The following FBXL17 variants were observed in gnomAD, a reference collection of about 807,000 sequenced individuals.
FBXL17 encodes the protein F-box and leucine rich repeat protein 17.
FBXL17 carries 22 observed loss-of-function variants against 66.2 expected under a neutral mutation model. The ratio of observed to expected loss-of-function variants is 0.33; its 90% CI spans 0.24 to 0.47. The LOEUF is 0.47. Among genes scored for constraint, FBXL17 ranks in the 20% least tolerant of loss-of-function variants. The pLI, the probability that FBXL17 is intolerant of heterozygous loss-of-function variation, is 1.00. For missense variants in FBXL17, 878 were observed against 948.2 expected, an observed-to-expected ratio of 0.93 and a Z score of 0.97; for synonymous variants, 474 against 400.5, an observed-to-expected ratio of 1.18 and a Z score of -2.19.
chr5:107,973,912 TAA>T (rs373440067), intron 7 of FBXL17, among the ~76,000 whole-genome samples: 73 of 151,916 alleles, frequency 4.8e-4, no homozygotes, highest in African/African-American at 1.7e-3. Context: ...TATTTAGTGA[TAA>T]AGAGTAGCAA....
intron 4 of FBXL17, among the ~76,000 whole-genome samples, chr5:108,251,937 TAC>T (rs1029741470): frequency 1.3e-5 from 2 of 152,208 alleles, no homozygotes; most frequent in African/African-American, 4.8e-5. Context: ...TTATTTAATA[TAC>T]AGTGATTTAT....
chr5:108,327,949 C>T (rs778294698), intron 4 of FBXL17, among the ~76,000 whole-genome samples: 5 of 152,080 alleles, frequency 3.3e-5, no homozygotes, highest in African/African-American at 9.7e-5. Context: ...TAGATTATAT[C>T]GTCTCCAATC....
At chr5:107,994,322 A>T (rs1362861259) in intron 7 of FBXL17, among the ~76,000 whole-genome samples, 2 of 152,074 alleles carry the variant, frequency 1.3e-5, no homozygotes, top group African/African-American at 4.8e-5. Context: ...CATTGATAAC[A>T]TGTTTTCTTG....
At chr5:107,865,993 T>C (rs1748260289) in intron 8 of FBXL17, among the ~76,000 whole-genome samples, 2 of 152,172 alleles carry the variant, frequency 1.3e-5, no homozygotes, top group African/African-American at 4.8e-5. Flanking sequence ...AGATATTTTG[T>C]CATGCACAAC....
chr5:108,069,248 C>T lies in FBXL17; in HGVS notation c.1746-48247G>A, dbSNP rs554585185. On this transcript the variant is annotated intron_variant, in intron 6 of 8. Transcript: ENST00000542267. ...AAACCATAATATCATTTGTTTTCCC[C>T]TCTAAATAAGTGGCACTGTATTGAA... Among the ~76,000 whole-genome samples the T allele has an allele frequency of 4.6e-5, 7 of 152,222 alleles. No homozygotes were observed. The South Asian group carries it at 1.0e-3, about 23-fold the overall frequency.
intron 5 of FBXL17, among the ~76,000 whole-genome samples, chr5:108,208,780 T>C (rs185255343): frequency 1.3e-5 from 2 of 152,254 alleles, no homozygotes; most frequent in Non-Finnish European, 2.9e-5. Flanking sequence ...CACAGGACTG[T>C]CATGGCTATA....
At chr5:107,922,850 A>T (rs1049265983) in intron 7 of FBXL17, among the ~76,000 whole-genome samples, 1 of 152,190 alleles carries the variant, frequency 6.6e-6, no homozygotes, top group Non-Finnish European at 1.5e-5. Context: ...GATGTGGTAT[A>T]AAGAATAAGC....
intron 6 of FBXL17, among the ~76,000 whole-genome samples, chr5:108,108,918 G>C (rs541591816): frequency 6.6e-6 from 1 of 151,944 alleles, no homozygotes; most frequent in East Asian, 1.9e-4. Flanking sequence ...TGAGTAGCTG[G>C]GATTACAGGC....
intron 6 of FBXL17, among the ~76,000 whole-genome samples, chr5:108,021,868 G>A (rs1227665864): frequency 1.3e-5 from 2 of 151,660 alleles, no homozygotes. Flanking sequence ...TTAAGTAAAA[G>A]GGTAAAAGCA....
At chr5:108,348,376 C>A in intron 4 of FBXL17, 23 bp downstream of exon 4, 1 of 1,600,330 alleles carries the variant, frequency 6.2e-7, no homozygotes, top group Non-Finnish European at 8.5e-7. Context: ...ATGAACAATA[C>A]AAGGATGATA....
intron 7 of FBXL17, among the ~76,000 whole-genome samples, chr5:107,977,840 T>A (rs1404271547): frequency 1.3e-5 from 2 of 152,224 alleles, no homozygotes; most frequent in African/African-American, 2.4e-5. Flanking sequence ...CTGGATTCAT[T>A]AAAGGCATGA....
intron 7 of FBXL17, among the ~76,000 whole-genome samples, chr5:107,910,129 G>A (rs188835673): frequency 6.8e-6 from 1 of 147,562 alleles, no homozygotes; most frequent in Non-Finnish European, 1.5e-5. Flanking sequence ...TTTGGGGAGG[G>A]AGGTTATCTG....
chr5:107,978,567 GCCA>G (rs1441602856), intron 7 of FBXL17, among the ~76,000 whole-genome samples: 2 of 151,954 alleles, frequency 1.3e-5, no homozygotes, highest in African/African-American at 4.8e-5. Flanking sequence ...TACATTTCTG[GCCA>G]CTGACTGATT....
At chr5:108,009,226 T>C (rs1361036411) in intron 7 of FBXL17, among the ~76,000 whole-genome samples, 8 of 65,874 alleles carry the variant, frequency 1.2e-4, no homozygotes, top group African/African-American at 4.1e-4. Flanking sequence ...TATATATATA[T>C]ATATATACAG....
intron 5 of FBXL17, among the ~76,000 whole-genome samples, chr5:108,209,361 T>C (rs951705806): frequency 7.2e-5 from 11 of 152,158 alleles, no homozygotes; most frequent in Non-Finnish European, 1.5e-5. Context: ...AGAGGAGTGG[T>C]GAGAGAGGGC....
chr5:108,181,845 C>T (rs971417429), intron 6 of FBXL17, among the ~76,000 whole-genome samples: 25 of 152,000 alleles, frequency 1.6e-4, no homozygotes, highest in African/African-American at 2.7e-4. Flanking sequence ...AGCTATGACG[C>T]GGAAAATTGA....
intron 8 of FBXL17, among the ~76,000 whole-genome samples, chr5:107,877,292 T>A (rs1398322528): frequency 3.3e-5 from 5 of 152,236 alleles, no homozygotes; most frequent in African/African-American, 1.2e-4. Flanking sequence ...ACATATTTAC[T>A]GCAGTTTAGC....
intron 6 of FBXL17, among the ~76,000 whole-genome samples, chr5:108,123,474 C>T (rs1026642025): frequency 6.6e-6 from 1 of 152,068 alleles, no homozygotes; most frequent in Admixed American, 6.5e-5. Context: ...TATTCAGCTA[C>T]TATGTTGATA....
intron 6 of FBXL17, among the ~76,000 whole-genome samples, chr5:108,161,281 G>A (rs1173703113): frequency 6.6e-6 from 1 of 152,044 alleles, no homozygotes; most frequent in Non-Finnish European, 1.5e-5. Context: ...TCAGGAGTTC[G>A]ACACCAGCCT....
Sources: allele counts gnomAD v4.1 joint callset (sites outside exome capture counted in the v4.1 genomes callset), GRCh38; gene constraint gnomAD v4.1.1; transcripts MANE v1.5; gene names NCBI Gene and HGNC (gene_info 2026-07-23, HGNC 2026-07-21).